Variants in RANBP17 observed in about 807,000 individuals in gnomAD.
RANBP17 encodes ran-binding protein 17.
A neutral mutation model predicts 141.2 loss-of-function variants in RANBP17; 158 were observed. The observed-to-expected ratio is 1.12, with a 90% CI of 0.98 to 1.28. The LOEUF (loss-of-function observed/expected upper bound fraction) is 1.28. Ranked by LOEUF, RANBP17 falls within the 50% of genes most tolerant of loss-of-function variation. The pLI is 0.00. For synonymous variants in RANBP17, 430 were observed against 450.0 expected (o/e 0.96, Z 0.56); for missense variants, 1,438 against 1,290.7 (o/e 1.11, Z -1.75).
chr5:170,873,354 G>GGC (rs2127331708), intron 1 of RANBP17, among the ~76,000 whole-genome samples: 1 of 152,292 alleles, frequency 6.6e-6, no homozygotes, highest in South Asian at 2.1e-4. Flanking sequence ...GGTTGATGCT[G>GGC]GCCTCATAAA....
chr5:171,092,618 A>G (rs1388274279), intron 14 of RANBP17, among the ~76,000 whole-genome samples: 2 of 152,226 alleles, frequency 1.3e-5, no homozygotes, highest in Non-Finnish European at 2.9e-5. Context: ...CTAAGGTTCT[A>G]TCTATCTGGA....
chr5:170,969,721 G>T (rs1373065230), intron 14 of RANBP17, among the ~76,000 whole-genome samples: 2 of 151,850 alleles, frequency 1.3e-5, no homozygotes, highest in African/African-American at 4.8e-5. Flanking sequence ...ATGGGATTTC[G>T]GATTTTGTTT....
chr5:171,292,494 A>G (rs1581195683), intron 25 of RANBP17, among the ~76,000 whole-genome samples: 1 of 152,360 alleles, frequency 6.6e-6, no homozygotes, highest in East Asian at 1.9e-4. Context: ...CTGAGATCAC[A>G]GGATAAATTG....
At chr5:171,241,465 C>G (rs1016057155) in intron 23 of RANBP17, among the ~76,000 whole-genome samples, 1 of 152,050 alleles carries the variant, frequency 6.6e-6, no homozygotes, top group Non-Finnish European at 1.5e-5. Context: ...TCTGGAAGGC[C>G]TTTGTTAGTC....
intron 14 of RANBP17, among the ~76,000 whole-genome samples, chr5:170,998,081 C>T (rs1778944978): frequency 6.7e-6 from 1 of 150,104 alleles, no homozygotes; most frequent in Non-Finnish European, 1.5e-5. Context: ...GAAACCCCAT[C>T]TCTACTGGAG....
chr5:171,003,440 G>C (rs10053307), intron 14 of RANBP17, among the ~76,000 whole-genome samples: 92,801 of 151,878 alleles, frequency 0.61, 29,703 homozygotes, highest in South Asian at 0.88. Flanking sequence ...GAAAGGAGTT[G>C]TTGTTTTGTA....
intron 5 of RANBP17, among the ~76,000 whole-genome samples, chr5:170,902,167 A>T (rs780223451): frequency 5.9e-5 from 9 of 152,048 alleles, no homozygotes; most frequent in Non-Finnish European, 1.0e-4. Context: ...CCAATCAAAC[A>T]TAGGTTTGGC....
chr5:170,936,768 T>C (rs1275129947), intron 12 of RANBP17, among the ~76,000 whole-genome samples: 1 of 152,220 alleles, frequency 6.6e-6, no homozygotes, highest in African/African-American at 2.4e-5. Context: ...TATTGATTTC[T>C]TTTGTCTGTG....
At chr5:170,987,264 T>G (rs537350207) in intron 14 of RANBP17, among the ~76,000 whole-genome samples, 1 of 151,774 alleles carries the variant, frequency 6.6e-6, no homozygotes, top group Non-Finnish European at 1.5e-5. Context: ...TTAGTGACTT[T>G]AGGGATTTTT....
rs1238290606 is a variant in RANBP17, at chr5:171,299,918, T to A, written c.*1060T>A. ...TCACTGCTGTTTTTATGATTCAGGC[T>A]TATAACAAATATTGTATCCTTTATT... On this transcript the variant is annotated 3_prime_UTR_variant, in exon 28 of 28. Coordinates refer to ENST00000523189, the MANE Select transcript of RANBP17 (RefSeq NM_022897.5). 4.9e-6 allele frequency: 1 copy of A among 204,738 alleles called. No homozygotes were observed. Among genetic ancestry groups the A allele is most frequent in the Non-Finnish European group, 1.0e-5 (1 of 100,026 alleles). The allele number at this position is 204,738 out of a possible 1,614,324, so 12.7% of individuals were successfully genotyped here. A position where few individuals can be genotyped will look rare whatever the true frequency, so the allele number is the denominator to read the frequency against.
intron 25 of RANBP17, among the ~76,000 whole-genome samples, chr5:171,277,657 ATATATATATATT>A (rs1336403994): frequency 7.6e-6 from 1 of 132,318 alleles, no homozygotes; most frequent in Non-Finnish European, 1.6e-5. Context: ...ATATATATAT[ATATATATATATT>A]TATGTCTTAC....
At chr5:171,293,368 C>T (rs1768621171) in intron 25 of RANBP17, among the ~76,000 whole-genome samples, 1 of 152,090 alleles carries the variant, frequency 6.6e-6, no homozygotes. Flanking sequence ...AATTAGTGAA[C>T]GAAGAGTGAA....
chr5:171,115,070 CAACCTCGGTGACAGAGCAAG>C (rs1755516387), intron 14 of RANBP17, among the ~76,000 whole-genome samples: 1 of 151,876 alleles, frequency 6.6e-6, no homozygotes, highest in Non-Finnish European at 1.5e-5. Flanking sequence ...CACTGCACTC[CAACCTCGGTGACAGAGCAAG>C]ACCCTGTCTC....
chr5:171,212,683 A>T (rs1460327363), intron 20 of RANBP17, among the ~76,000 whole-genome samples: 1 of 152,232 alleles, frequency 6.6e-6, no homozygotes, highest in Non-Finnish European at 1.5e-5. Context: ...TAAGTGATTT[A>T]GTTGAGCATT....
At chr5:170,974,027 T>C (rs1175571072) in intron 14 of RANBP17, among the ~76,000 whole-genome samples, 1 of 152,184 alleles carries the variant, frequency 6.6e-6, no homozygotes, top group East Asian at 1.9e-4. Context: ...GCATTTCACA[T>C]TTGCCCCACA....
In RANBP17 at chr5:171,047,644, T is replaced by G. The variant is rs567073178; in HGVS notation, c.1710+79267T>G. 2.6e-5 allele frequency among the ~76,000 whole-genome samples: 4 copies of G among 152,178 alleles called. No homozygotes were observed. In the East Asian group the frequency reaches 7.8e-4, roughly 30 times the overall value. On this transcript the variant is annotated intron_variant, in intron 14 of 27. Transcript: ENST00000523189. ...TAGTAGAGACAGGGTTTCACCATGT[T>G]GGGCAGGCTGGTCTTCAACTCCTGA... is the stretch of plus-strand genomic sequence containing the variant.
intron 14 of RANBP17, among the ~76,000 whole-genome samples, chr5:171,080,307 A>G (rs112899148): frequency 2.0e-5 from 3 of 152,060 alleles, no homozygotes; most frequent in South Asian, 2.1e-4. Context: ...TACTGATTTT[A>G]AAATAGGAAA....
chr5:171,155,093 AAAT>A (rs1204537213), intron 14 of RANBP17, among the ~76,000 whole-genome samples: 40 of 107,610 alleles, frequency 3.7e-4, no homozygotes, highest in African/African-American at 1.3e-3. Context: ...AAAAAAAAAA[AAAT>A]ATATATATAT....
At chr5:171,142,279 A>T (rs1051414789) in intron 14 of RANBP17, among the ~76,000 whole-genome samples, 4 of 152,172 alleles carry the variant, frequency 2.6e-5, no homozygotes, top group Admixed American at 2.0e-4. Context: ...TCTCTTTTTC[A>T]TAGAATTTTC....
Sources: gnomAD v4.1 joint callset for allele counts (sites outside exome capture counted in the v4.1 genomes callset) on GRCh38, gnomAD v4.1.1 for gene constraint, MANE v1.5 for transcripts, NCBI Gene and HGNC (gene_info 2026-07-23, HGNC 2026-07-21) for gene names.